FLRT2: variants seen among roughly 807,000 people sequenced by gnomAD.
The protein encoded by FLRT2 is fibronectin leucine rich transmembrane protein 2.
In FLRT2, 15 loss-of-function variants were observed where a neutral mutation model predicts 40.0. That is an observed-to-expected ratio of 0.38 (90% CI 0.25 to 0.58). The LOEUF (loss-of-function observed/expected upper bound fraction) is 0.58, where lower values mean the gene tolerates loss of function less well. Ranked by LOEUF, FLRT2 falls within the 20% of genes least tolerant of loss-of-function variation. The pLI is 0.71. For missense variants in FLRT2, 726 were observed against 840.0 expected, an observed-to-expected ratio of 0.86 and a Z score of 1.68; for synonymous variants, 380 against 336.8, an observed-to-expected ratio of 1.13 and a Z score of -1.41.
chr14:85,580,877 ATAAATG>A (rs1164713609), intron 1 of FLRT2, among the ~76,000 whole-genome samples: 1 of 152,234 alleles, frequency 6.6e-6, no homozygotes, highest in Non-Finnish European at 1.5e-5. Context: ...CTTTTAAAGA[ATAAATG>A]TGGAAATGCA....
chr14:85,571,719 C>A (rs2139862054), intron 1 of FLRT2, among the ~76,000 whole-genome samples: 1 of 152,240 alleles, frequency 6.6e-6, no homozygotes, highest in African/African-American at 2.4e-5. Context: ...ATCCAAAGAA[C>A]ACAGTTAGGA....
rs774409508 is a variant in FLRT2, at chr14:85,623,030, G to A, written c.1516G>A (p.Asp506Asn). The A allele has an allele frequency of 1.3e-5, 21 of 1,614,190 alleles. No homozygotes were observed. The Middle Eastern group carries it at 6.6e-4, about 51-fold the overall frequency. The change falls in exon 2 of 2, where the codon GAC becomes AAC. Residue 506 changes from aspartate to asparagine, a missense_variant. Physicochemically the swap from Asp to Asn is conservative, Grantham distance 23. This residue lies in a region of FLRT2 where 611 missense variants were observed against 690.0 expected (regional missense o/e 0.89). Coordinates refer to ENST00000330753, the MANE Select transcript of FLRT2 (RefSeq NM_013231.6). The stretch of plus-strand genomic sequence containing the variant: ...TGCTTTTAACTACCGCGCGGTAGAA[G>A]ACACCATTTGTTCAGAGGCCACCAC... ...LDAFNYRAVE[D>N]TICSEATTHA...
intron 1 of FLRT2, among the ~76,000 whole-genome samples, chr14:85,540,686 G>A (rs149006379): frequency 6.6e-6 from 1 of 150,968 alleles, no homozygotes; most frequent in African/African-American, 2.4e-5. Flanking sequence ...TCTATGATTT[G>A]CTATTGTCGG....
Position 85,623,532 on chromosome 14 carries a change from T to C in FLRT2, c.*35T>C, listed in dbSNP as rs568293697. 214 of 1,404,786 alleles carry C rather than the reference T, an allele frequency of 1.5e-4. 1 individual carries two copies. In the South Asian group the frequency reaches 2.5e-3, roughly 16 times the overall value. 87.0% of individuals were successfully genotyped at this position (1,404,786 alleles called of 1,614,324 possible). ...GCCCAGCGTTATCAAGGCGGACAAT[T>C]AGACTCTTGAGAACACACTCGTGTG... On this transcript the variant is annotated 3_prime_UTR_variant, in exon 2 of 2. Coordinates refer to ENST00000330753, the MANE Select transcript of FLRT2 (RefSeq NM_013231.6).
intron 1 of FLRT2, among the ~76,000 whole-genome samples, chr14:85,595,887 G>A (rs1396237072): frequency 6.6e-6 from 1 of 152,164 alleles, no homozygotes; most frequent in East Asian, 1.9e-4. Flanking sequence ...GTTCTGTGAA[G>A]AAGATTTGGA....
intron 1 of FLRT2, among the ~76,000 whole-genome samples, chr14:85,561,863 A>G (rs1037076277): frequency 2.0e-5 from 3 of 152,188 alleles, no homozygotes; most frequent in South Asian, 2.1e-4. Flanking sequence ...ATGAAATTCT[A>G]TTGCTGTCAT....
In FLRT2 at chr14:85,621,805, C is replaced by T; in HGVS notation, c.291C>T (p.Gly97=). 2 of 1,614,190 alleles carry T rather than the reference C, an allele frequency of 1.2e-6. No individual in the cohort carries two copies. Among genetic ancestry groups the T allele is most frequent in the South Asian group, 1.1e-5 (1 of 91,082 alleles). ...VQSVHTVYLY[G]NQLDEFPMNL... is the part of the protein sequence containing the mutation. ...CGGTGCACACGGTCTACCTGTATGGCAACCAACTGGACGAATTCCCCATGA... is the reference window on the plus strand; with the variant it reads ...CGGTGCACACGGTCTACCTGTATGGTAACCAACTGGACGAATTCCCCATGA... The change falls in exon 2 of 2, where the codon GGC becomes GGT. Residue 97 remains glycine (G), a synonymous_variant. Transcript: ENST00000330753.
chr14:85,546,100 G>A (rs1444752240), intron 1 of FLRT2, among the ~76,000 whole-genome samples: 1 of 152,188 alleles, frequency 6.6e-6, no homozygotes, highest in Non-Finnish European at 1.5e-5. Context: ...AGCACAGTAT[G>A]TGCTTGCAAA....
At position 85,623,831 on chromosome 14, in the gene FLRT2, C is replaced by A. The variant is rs1263847211; in HGVS notation, c.*334C>A. ...GATTTTTCCTTAGGATACACATCAA[C>A]CACTTTGCTGTTGAAGCTGTCAGAA... On this transcript the variant is annotated 3_prime_UTR_variant, in exon 2 of 2. Coordinates refer to ENST00000330753, the MANE Select transcript of FLRT2 (RefSeq NM_013231.6). The A allele has an allele frequency of 2.3e-5, 5 of 219,868 alleles. No individual in the cohort carries two copies. The East Asian group carries it at 3.3e-4, about 14-fold the overall frequency. 13.6% of individuals were successfully genotyped at this position (219,868 alleles called of 1,614,324 possible). A position where few individuals can be genotyped will look rare whatever the true frequency, so the allele number is the denominator to read the frequency against.
chr14:85,652,098 CA>C lies in FLRT2; in HGVS notation c.*28604del, dbSNP rs1330686609. On this transcript the variant is annotated 3_prime_UTR_variant, in exon 2 of 2. Transcript: ENST00000330753. ...AAAAAAAGCAATGAGCAAGGAACAA[CA>C]AAGTCTCCTTAGGAGGCAAAACAAA... 1 of 152,008 alleles carries C rather than the reference CA, an allele frequency of 6.6e-6. No individual in the cohort carries two copies. Among genetic ancestry groups the C allele is most frequent in the Non-Finnish European group, 1.5e-5 (1 of 67,952 alleles). The allele number at this position is 152,008 out of a possible 1,614,324, so 9.4% of individuals were successfully genotyped here.
chr14:85,558,308 AC>A lies in FLRT2; in HGVS notation c.-377+27775del. Among the ~76,000 whole-genome samples, 4 of 152,242 alleles carry A rather than the reference AC, an allele frequency of 2.6e-5. 1 individual carries two copies. In the Middle Eastern group the frequency reaches 0.01, roughly 388 times the overall value. ...CAGGAATTTTTTTTTTAATCCTTCA[AC>A]ATTTATCTTTGCATCAAAAATAAAT... On this transcript the variant is annotated intron_variant, in intron 1 of 1. Transcript: ENST00000330753.
Position 85,621,994 on chromosome 14 carries a change from C to T in FLRT2, c.480C>T (p.Ser160=), listed in dbSNP as rs1893408202. The change falls in exon 2 of 2, where the codon AGC becomes AGT. Residue 160 remains serine, a synonymous_variant. Coordinates refer to ENST00000330753, the MANE Select transcript of FLRT2 (RefSeq NM_013231.6). ...VEDGAFREAI[S]LKLLFLSKNH... ...ACGGGGCCTTCCGGGAGGCTATTAG[C>T]CTCAAATTGTTGTTTTTGTCTAAGA... 1.0e-5 allele frequency: 16 copies of T among 1,606,168 alleles called. No individual in the cohort carries two copies. Among genetic ancestry groups the T allele is most frequent in the Middle Eastern group, 1.7e-4 (1 of 6,026 alleles).
intron 1 of FLRT2, among the ~76,000 whole-genome samples, chr14:85,606,023 G>A (rs1595078102): frequency 6.6e-6 from 1 of 152,056 alleles, no homozygotes; most frequent in Non-Finnish European, 1.5e-5. Flanking sequence ...ACTTTAGCTA[G>A]CATTCATGAT....
intron 1 of FLRT2, among the ~76,000 whole-genome samples, chr14:85,584,913 G>T (rs758661247): frequency 1.3e-5 from 2 of 151,902 alleles, no homozygotes; most frequent in African/African-American, 2.4e-5. Context: ...GGCATAGAGT[G>T]GGGGTGGGAG....
rs557545417 is a variant in FLRT2, at chr14:85,647,019, G to A, written c.*23522G>A. On this transcript the variant is annotated 3_prime_UTR_variant, in exon 2 of 2. Transcript: ENST00000330753. Reference sequence around the variant, plus strand: ...TAGCTTCCCAATTACTTGATGAACAGCTATGAATGTTGTTTCTTTTTCTTA... The same window carrying A: ...TAGCTTCCCAATTACTTGATGAACAACTATGAATGTTGTTTCTTTTTCTTA... 1 of 152,256 alleles carries A rather than the reference G, an allele frequency of 6.6e-6. No individual in the cohort carries two copies. The highest frequency in any genetic ancestry group is 6.5e-5 in the Admixed American group (1 of 15,278). 9.4% of individuals were successfully genotyped at this position (152,256 alleles called of 1,614,324 possible).
intron 1 of FLRT2, among the ~76,000 whole-genome samples, chr14:85,557,602 G>A (rs951453119): frequency 1.3e-5 from 2 of 152,136 alleles, no homozygotes; most frequent in Admixed American, 6.5e-5. Context: ...CCAGAGGTCA[G>A]GAGTTCGAGA....
In FLRT2 at chr14:85,532,155, T is replaced by A. The variant is rs151035771; in HGVS notation, c.-377+1621T>A. Among the ~76,000 whole-genome samples the A allele has an allele frequency of 1.4e-3, 212 of 152,252 alleles. 4 individuals carry two copies. Among genetic ancestry groups the A allele is most frequent in the South Asian group, 0.012 (59 of 4,802 alleles). ...ATCATCCTCAGCCTGTGGCGGCCAC[T>A]GCCCCACTTAAACTCTTCTGCGGGG... On this transcript the variant is annotated intron_variant, in intron 1 of 1. Coordinates refer to ENST00000330753, the MANE Select transcript of FLRT2 (RefSeq NM_013231.6).
chr14:85,547,539 G>A (rs1447643765), intron 1 of FLRT2, among the ~76,000 whole-genome samples: 2 of 151,992 alleles, frequency 1.3e-5, no homozygotes, highest in Non-Finnish European at 2.9e-5. Flanking sequence ...GGCCAGGCTG[G>A]TCTCGAACTC....
rs551949542 is a variant in FLRT2, at chr14:85,645,722, G to C, written c.*22225G>C. Reference sequence around the variant, plus strand: ...AGTAGATAAGGTGATCTATTATATGGATGTCAAGCTGTCCTTTTCCCCAGC... The same window carrying C: ...AGTAGATAAGGTGATCTATTATATGCATGTCAAGCTGTCCTTTTCCCCAGC... On this transcript the variant is annotated 3_prime_UTR_variant, in exon 2 of 2. Transcript: ENST00000330753. 1.3e-5 allele frequency: 2 copies of C among 152,228 alleles called. No individual in the cohort carries two copies. The highest frequency in any genetic ancestry group is 2.9e-5 in the Non-Finnish European group (2 of 68,022). 9.4% of individuals were successfully genotyped at this position (152,228 alleles called of 1,614,324 possible).
Sources: allele counts gnomAD v4.1 joint callset (sites outside exome capture counted in the v4.1 genomes callset), GRCh38; gene constraint gnomAD v4.1.1; regional missense constraint gnomAD v4.1.1; transcripts MANE v1.5; gene names NCBI Gene and HGNC (gene_info 2026-07-23, HGNC 2026-07-21).